Variants in CHCHD3 observed in about 807,000 individuals in gnomAD.
CHCHD3 encodes coiled-coil-helix-coiled-coil-helix domain containing 3.
Under a neutral mutation model 38.2 loss-of-function variants are expected in CHCHD3, and 20 were observed. The ratio of observed to expected loss-of-function variants is 0.52; its 90% CI spans 0.37 to 0.76. The LOEUF (loss-of-function observed/expected upper bound fraction) is 0.76, where lower values mean the gene tolerates loss of function less well. Ranked by LOEUF, CHCHD3 falls within the 30% of genes least tolerant of loss-of-function variation. The pLI is 0.00. For missense variants in CHCHD3, 245 were observed against 279.2 expected (o/e 0.88, Z 0.87); for synonymous variants, 82 against 100.0 (o/e 0.82, Z 1.07).
chr7:133,044,913 C>T (rs554143292), intron 2 of CHCHD3, among the ~76,000 whole-genome samples: 7 of 152,356 alleles, frequency 4.6e-5, no homozygotes, highest in African/African-American at 1.7e-4. Flanking sequence ...TCCTGCAGCT[C>T]TGATCCAGGA....
intron 4 of CHCHD3, among the ~76,000 whole-genome samples, chr7:132,891,080 G>A (rs1180694529): frequency 2.0e-5 from 3 of 152,168 alleles, no homozygotes; most frequent in East Asian, 3.8e-4. Flanking sequence ...GCATTTAGAA[G>A]CTGTAAAACA....
intron 3 of CHCHD3, among the ~76,000 whole-genome samples, chr7:132,993,365 T>C (rs1812332097): frequency 6.6e-6 from 1 of 152,252 alleles, no homozygotes. Context: ...TACTCTTCAC[T>C]ATCTATGAAA....
chr7:132,836,465 G>T (rs1807785758), intron 6 of CHCHD3, among the ~76,000 whole-genome samples: 1 of 151,746 alleles, frequency 6.6e-6, no homozygotes. Flanking sequence ...TGCACTTGTA[G>T]AGACTTCCCA....
chr7:132,996,608 C>T (rs893346298), intron 3 of CHCHD3, among the ~76,000 whole-genome samples: 2 of 152,162 alleles, frequency 1.3e-5, no homozygotes, highest in East Asian at 1.9e-4. Flanking sequence ...CTAATGTCGG[C>T]GTTGCTTTGT....
intron 6 of CHCHD3, among the ~76,000 whole-genome samples, chr7:132,810,603 G>C (rs1807043272): frequency 1.3e-5 from 2 of 152,170 alleles, no homozygotes; most frequent in African/African-American, 2.4e-5. Context: ...AAATGATTAT[G>C]ATGAGTCTCA....
intron 2 of CHCHD3, among the ~76,000 whole-genome samples, chr7:133,042,851 T>G (rs1053302382): frequency 1.3e-5 from 2 of 152,208 alleles, no homozygotes; most frequent in African/African-American, 2.4e-5. Flanking sequence ...CAAAGTTTTT[T>G]TTTGTTTGTT....
intron 4 of CHCHD3, among the ~76,000 whole-genome samples, chr7:132,940,123 T>G (rs1016550128): frequency 6.6e-6 from 1 of 152,210 alleles, no homozygotes; most frequent in Non-Finnish European, 1.5e-5. Flanking sequence ...TTGAATGTGT[T>G]ACAAATAAAG....
chr7:132,913,434 G>A (rs1810014410), intron 4 of CHCHD3, among the ~76,000 whole-genome samples: 1 of 152,176 alleles, frequency 6.6e-6, no homozygotes, highest in Non-Finnish European at 1.5e-5. Context: ...CCAAGAGTCT[G>A]GGTAGGAATT....
intron 4 of CHCHD3, among the ~76,000 whole-genome samples, chr7:132,916,769 G>A (rs1259192778): frequency 4.0e-5 from 6 of 151,824 alleles, no homozygotes; most frequent in Admixed American, 3.9e-4. Flanking sequence ...GGTAGAGATG[G>A]GGTCTCTCTA....
chr7:132,825,106 G>A (rs988692935), intron 6 of CHCHD3, among the ~76,000 whole-genome samples: 1 of 152,150 alleles, frequency 6.6e-6, no homozygotes, highest in African/African-American at 2.4e-5. Flanking sequence ...AGCCCTCTGA[G>A]GGCAGGGACT....
chr7:132,904,441 C>T (rs1392848717), intron 4 of CHCHD3, among the ~76,000 whole-genome samples: 2 of 152,116 alleles, frequency 1.3e-5, no homozygotes, highest in Non-Finnish European at 2.9e-5. Flanking sequence ...GCATACTAAG[C>T]AATATCTCAA....
intron 3 of CHCHD3, among the ~76,000 whole-genome samples, chr7:132,985,832 G>A (rs1268301164): frequency 5.0e-5 from 6 of 120,354 alleles, no homozygotes; most frequent in Non-Finnish European, 9.1e-5. Flanking sequence ...GGTGAGGGGC[G>A]CCTCTGCCCG....
At chr7:133,050,890 C>A (rs1814144724) in intron 2 of CHCHD3, among the ~76,000 whole-genome samples, 1 of 151,842 alleles carries the variant, frequency 6.6e-6, no homozygotes, top group Admixed American at 6.6e-5. Flanking sequence ...GTGGAACGTG[C>A]CTGTAATCCC....
At chr7:133,070,119 C>A in intron 2 of CHCHD3, 23 bp downstream of exon 2, 1 of 1,583,866 alleles carries the variant, frequency 6.3e-7, no homozygotes, top group East Asian at 2.2e-5. Context: ...CCTAAAAACC[C>A]TAAAATTAAA....
intron 4 of CHCHD3, among the ~76,000 whole-genome samples, chr7:132,960,262 G>C (rs1811283788): frequency 6.6e-6 from 1 of 152,086 alleles, no homozygotes; most frequent in Non-Finnish European, 1.5e-5. Flanking sequence ...AATATTCAAA[G>C]AGAGGAGAGA....
intron 4 of CHCHD3, among the ~76,000 whole-genome samples, chr7:132,972,324 C>T (rs779172017): frequency 6.6e-6 from 1 of 152,094 alleles, no homozygotes; most frequent in Non-Finnish European, 1.5e-5. Flanking sequence ...GTTATTGTAA[C>T]AGTTATACAA....
In CHCHD3 at chr7:132,930,312, G is replaced by A. The variant is rs142383401; in HGVS notation, c.370-44567C>T. ...CTCCCGAGTAGCTGGGATTACAGGG[G>A]CATGCCACCATGCCCGGCTAATTTT... On this transcript the variant is annotated intron_variant, in intron 4 of 7. Transcript: ENST00000262570. 6.5e-3 allele frequency among the ~76,000 whole-genome samples: 985 copies of A among 152,016 alleles called. 10 individuals are homozygous for A. Among genetic ancestry groups the A allele is most frequent in the African/African-American group, 0.022 (913 of 41,482 alleles).
intron 3 of CHCHD3, among the ~76,000 whole-genome samples, chr7:132,988,075 A>G (rs928152362): frequency 2.0e-5 from 3 of 152,212 alleles, no homozygotes; most frequent in African/African-American, 7.2e-5. Context: ...CTTCCGGTCA[A>G]TAGATGACTA....
At chr7:132,896,111 G>A (rs561249660) in intron 4 of CHCHD3, among the ~76,000 whole-genome samples, 56 of 152,304 alleles carry the variant, frequency 3.7e-4, no homozygotes, top group South Asian at 1.5e-3. Context: ...AATTGCAAAG[G>A]CGTAAGGTAC....
Sources: allele counts gnomAD v4.1 joint callset (sites outside exome capture counted in the v4.1 genomes callset), GRCh38; gene constraint gnomAD v4.1.1; transcripts MANE v1.5; gene names NCBI Gene and HGNC (gene_info 2026-07-23, HGNC 2026-07-21).